The following TJP1 variants were observed in gnomAD, a reference collection of about 807,000 sequenced individuals.
TJP1 encodes tight junction protein 1, also known as tight junction protein ZO-1.
A neutral mutation model predicts 194.2 loss-of-function variants in TJP1; 43 were observed. The ratio of observed to expected loss-of-function variants is 0.22; its 90% CI spans 0.17 to 0.29. The LOEUF (loss-of-function observed/expected upper bound fraction) is 0.29. TJP1 is among the 10% of genes least tolerant of loss of function. TJP1 has a pLI of 1.00. For synonymous variants in TJP1, 801 were observed against 779.0 expected, an observed-to-expected ratio of 1.03 and a Z score of -0.47; for missense variants, 1,971 against 2,185.7, an observed-to-expected ratio of 0.90 and a Z score of 1.96.
At chr15:29,808,133 G>A (rs2049231631) in intron 1 of TJP1, among the ~76,000 whole-genome samples, 1 of 151,974 alleles carries the variant, frequency 6.6e-6, no homozygotes, top group South Asian at 2.1e-4. Context: ...CCAGGCATGG[G>A]GGCACATGCC....
chr15:29,801,722 A>G (rs1173868134), intron 1 of TJP1, among the ~76,000 whole-genome samples: 1 of 151,800 alleles, frequency 6.6e-6, no homozygotes, highest in Non-Finnish European at 1.5e-5. Context: ...CGGCCTCCCA[A>G]AGTGCTGGGA....
chr15:29,962,942 C>G (rs2152322962), intron 1 of TJP1, among the ~76,000 whole-genome samples: 1 of 152,244 alleles, frequency 6.6e-6, no homozygotes, highest in Non-Finnish European at 1.5e-5. Context: ...GAGTTTGAGA[C>G]CAGCCTGGCC....
At chr15:29,710,545 T>C (rs781097974) in intron 24 of TJP1, among the ~76,000 whole-genome samples, 20 of 152,202 alleles carry the variant, frequency 1.3e-4, no homozygotes, top group Non-Finnish European at 2.2e-4. Flanking sequence ...TAAAACATAG[T>C]AGGTTTTACA....
At chr15:29,741,787 T>C (rs1595716239) in intron 9 of TJP1, among the ~76,000 whole-genome samples, 1 of 152,178 alleles carries the variant, frequency 6.6e-6, no homozygotes, top group South Asian at 2.1e-4. Context: ...TAAATAACCA[T>C]ATTTCTGCCA....
chr15:29,948,928 A>T (rs2152295784), intron 2 of TJP1, among the ~76,000 whole-genome samples: 1 of 150,472 alleles, frequency 6.6e-6, no homozygotes, highest in Non-Finnish European at 1.5e-5. Flanking sequence ...CTCCACCACC[A>T]CCTCCTCCTC....
intron 2 of TJP1, among the ~76,000 whole-genome samples, chr15:29,949,456 C>A (rs2055476873): frequency 7.4e-6 from 1 of 135,382 alleles, no homozygotes; most frequent in African/African-American, 2.8e-5. Flanking sequence ...CCTTCACCAC[C>A]ACTTCCACCA....
chr15:29,949,934 A>ACCT (rs2055600187), intron 2 of TJP1, among the ~76,000 whole-genome samples: 1 of 23,088 alleles, frequency 4.3e-5, no homozygotes, highest in Non-Finnish European at 6.6e-5. Flanking sequence ...CACCACCACC[A>ACCT]CCACCTCCAC....
chr15:29,862,590 A>C (rs1340917284), intron 2 of TJP1, among the ~76,000 whole-genome samples: 1 of 151,804 alleles, frequency 6.6e-6, no homozygotes, highest in Non-Finnish European at 1.5e-5. Flanking sequence ...GCAGACTTGG[A>C]GCCAAACACC....
At chr15:29,715,537 C>T (rs1459150013) in intron 23 of TJP1, among the ~76,000 whole-genome samples, 1 of 152,070 alleles carries the variant, frequency 6.6e-6, no homozygotes, top group Non-Finnish European at 1.5e-5. Context: ...GGTCATTTCC[C>T]AAGATAATCC....
chr15:29,921,930 C>T (rs1417123913), intron 2 of TJP1, among the ~76,000 whole-genome samples: 8 of 151,626 alleles, frequency 5.3e-5, no homozygotes, highest in African/African-American at 1.2e-4. Context: ...TTGCAACCTC[C>T]GCCTCCTGGG....
chr15:29,929,234 G>A (rs961216571), intron 2 of TJP1, among the ~76,000 whole-genome samples: 5 of 152,000 alleles, frequency 3.3e-5, no homozygotes, highest in Non-Finnish European at 7.4e-5. Flanking sequence ...AAAAATCATA[G>A]GTCAGAGATG....
At chr15:29,828,448 GGA>G (rs2050739332) in intron 2 of TJP1, among the ~76,000 whole-genome samples, 1 of 151,750 alleles carries the variant, frequency 6.6e-6, no homozygotes, top group Non-Finnish European at 1.5e-5. Flanking sequence ...TATTTCTCTA[GGA>G]GAGACATCCA....
intron 8 of TJP1, among the ~76,000 whole-genome samples, chr15:29,743,769 C>G (rs1378357728): frequency 6.6e-6 from 1 of 152,072 alleles, no homozygotes; most frequent in African/African-American, 2.4e-5. Flanking sequence ...CAAGACAACT[C>G]AAGAGAGAAA....
upstream of TJP1, chr15:29,822,540 GCGAGGCGGGGAGGGGGCGGGGC>G: frequency 1.0e-6 from 1 of 972,610 alleles, no homozygotes; most frequent in Non-Finnish European, 1.2e-6. Context: ...GCGAGGCGAG[GCGAGGCGGGGAGGGGGCGGGGC>G]CGCGGCGGGG....
chr15:29,906,776 C>G (rs2053830115), intron 2 of TJP1, among the ~76,000 whole-genome samples: 1 of 151,688 alleles, frequency 6.6e-6, no homozygotes, highest in African/African-American at 2.4e-5. Context: ...GATGGGGTTT[C>G]ACCATGTTAG....
intron 18 of TJP1, among the ~76,000 whole-genome samples, chr15:29,723,188 G>C (rs915652020): frequency 3.9e-5 from 6 of 152,162 alleles, no homozygotes; most frequent in Non-Finnish European, 8.8e-5. Flanking sequence ...AAATTTGGGA[G>C]GGACCAGGAA....
At chr15:29,956,096 A>C (rs1204700286) in intron 2 of TJP1, 1 of 689,298 alleles carries the variant, frequency 1.5e-6, no homozygotes, top group Non-Finnish European at 1.9e-6. Context: ...CTGGTTGGTA[A>C]ACTGTTGGGT....
chr15:29,857,459 A>G (rs2051902474), intron 2 of TJP1, among the ~76,000 whole-genome samples: 1 of 152,160 alleles, frequency 6.6e-6, no homozygotes, highest in African/African-American at 2.4e-5. Flanking sequence ...TGATTCAACC[A>G]TTCTTTCTCT....
rs151111227 is a variant in TJP1, at chr15:29,867,484, G to C, written c.307-66782C>G. 1.9e-3 allele frequency among the ~76,000 whole-genome samples: 289 copies of C among 152,298 alleles called. 1 individual carries two copies. The highest frequency in any genetic ancestry group is 3.3e-3 in the Non-Finnish European group (226 of 68,032). On this transcript the variant is annotated intron_variant, in intron 2 of 28. Transcript: ENST00000356107. ...GTGGCCCATGTGTGCTATGTCAGGG[G>C]AAGTATTTCTTTCCCTTGCCACTAT...
Sources: gnomAD v4.1 joint callset for allele counts (sites outside exome capture counted in the v4.1 genomes callset) on GRCh38, gnomAD v4.1.1 for gene constraint, MANE v1.5 for transcripts, NCBI Gene and HGNC (gene_info 2026-07-23, HGNC 2026-07-21) for gene names.